ZNF83: variants seen among roughly 807,000 people sequenced by gnomAD.
ZNF83 encodes zinc finger protein 83, also known as zinc finger protein 816B.
For synonymous variants in ZNF83, 209 were observed against 213.0 expected (o/e 0.98, Z 0.17); for missense variants, 552 against 629.9 (o/e 0.88, Z 1.32).
chr19:52,678,173 C>T (rs937332509), intron 1 of ZNF83, among the ~76,000 whole-genome samples: 1 of 152,064 alleles, frequency 6.6e-6, no homozygotes, highest in African/African-American at 2.4e-5. Context: ...GAGGATAAGG[C>T]CAGGCTCGGT....
intron 3 of ZNF83, among the ~76,000 whole-genome samples, chr19:52,649,476 T>C (rs1267519145): frequency 6.6e-6 from 1 of 152,126 alleles, no homozygotes; most frequent in Non-Finnish European, 1.5e-5. Flanking sequence ...AACGTTCCCA[T>C]TGTAGACCAG....
intron 1 of ZNF83, among the ~76,000 whole-genome samples, chr19:52,669,161 T>G (rs1411974196): frequency 6.6e-6 from 1 of 152,208 alleles, no homozygotes; most frequent in Admixed American, 6.5e-5. Flanking sequence ...CACTTATGCT[T>G]TAGTCCAATT....
rs894199030 is a variant in ZNF83 at position 52,638,299 on chromosome 19, G to C, written c.-322+13C>G. ...CCTGGTAAGCGCAGACTTAATAGAA[G>C]AGCGAAACTCACCGCCACGGTGTAA... On this transcript the variant is annotated intron_variant, in intron 1 of 2. Coordinates refer to ENST00000301096, the Ensembl canonical transcript of ZNF83. The C allele has an allele frequency of 2.8e-5, 4 of 144,898 alleles. No individual in the cohort carries two copies. The highest frequency in any genetic ancestry group is 1.9e-4 in the East Asian group (1 of 5,130). The allele number at this position is 144,898 out of a possible 1,614,324, so 9.0% of individuals were successfully genotyped here.
chr19:52,613,423 G>GCT, exon 3 of ZNF83: 1 of 1,613,328 alleles, frequency 6.2e-7, no homozygotes, highest in Non-Finnish European at 8.5e-7. Context: ...TTGACTGAAT[G>GCT]CTTTGTCACA....
intron 1 of ZNF83, among the ~76,000 whole-genome samples, chr19:52,685,598 A>G (rs1409812644): frequency 1.3e-5 from 2 of 152,146 alleles, no homozygotes; most frequent in Non-Finnish European, 2.9e-5. Context: ...AACTGTTTCA[A>G]TCAAGAATAT....
chr19:52,652,475 T>G (rs1413409235), intron 3 of ZNF83: 1 of 431,080 alleles, frequency 2.3e-6, no homozygotes, highest in Non-Finnish European at 4.7e-6. Flanking sequence ...ATCACAGTTG[T>G]GAGGTTCTCT....
intron 1 of ZNF83, among the ~76,000 whole-genome samples, chr19:52,690,113 G>GC (rs1327117385): frequency 6.6e-6 from 1 of 151,992 alleles, no homozygotes; most frequent in Non-Finnish European, 1.5e-5. Context: ...GGTGCCCACG[G>GC]CGGGAATCCA....
chr19:52,621,892 G>C (rs1451414025), intron 2 of ZNF83, among the ~76,000 whole-genome samples: 2 of 152,048 alleles, frequency 1.3e-5, no homozygotes, highest in African/African-American at 2.4e-5. Context: ...TTATGTCCAG[G>C]CATTTTTTCA....
chr19:52,634,594 C>T (rs60700758), intron 2 of ZNF83, among the ~76,000 whole-genome samples: 16,600 of 152,214 alleles, frequency 0.11, 1,091 homozygotes, highest in South Asian at 0.23. Flanking sequence ...CAAAGTAACT[C>T]ACTAAATTAC....
chr19:52,642,262 T>C (rs970726703), upstream of ZNF83, among the ~76,000 whole-genome samples: 3 of 9,154 alleles, frequency 3.3e-4, no homozygotes, highest in Non-Finnish European at 1.8e-4. Context: ...GTATTGTAGC[T>C]TTTTTTTTTT....
At chr19:52,657,421 T>A (rs928082434) in intron 2 of ZNF83, among the ~76,000 whole-genome samples, 1 of 151,702 alleles carries the variant, frequency 6.6e-6, no homozygotes, top group Non-Finnish European at 1.5e-5. Context: ...ACCAGCCTCA[T>A]CAATATGGTG....
intron 2 of ZNF83, among the ~76,000 whole-genome samples, chr19:52,616,304 G>A (rs995289788): frequency 2.0e-5 from 3 of 152,194 alleles, no homozygotes; most frequent in Non-Finnish European, 2.9e-5. Context: ...AATGGGATTT[G>A]ATCTTGGGCT....
At chr19:52,623,135 C>T (rs1306849646) in intron 2 of ZNF83, among the ~76,000 whole-genome samples, 2 of 152,206 alleles carry the variant, frequency 1.3e-5, no homozygotes, top group African/African-American at 2.4e-5. Context: ...TCCAGCTCAC[C>T]CAGAAGCCAC....
chr19:52,624,734 G>A (rs1374968965), intron 2 of ZNF83, among the ~76,000 whole-genome samples: 8 of 152,062 alleles, frequency 5.3e-5, no homozygotes, highest in African/African-American at 1.7e-4. Context: ...CCTATTATAC[G>A]CTGGCCATGA....
intron 3 of ZNF83, among the ~76,000 whole-genome samples, chr19:52,643,673 C>G (rs1286617736): frequency 6.6e-6 from 1 of 151,768 alleles, no homozygotes; most frequent in Non-Finnish European, 1.5e-5. Context: ...TGCACTCCAG[C>G]CTGGGTGACA....
chr19:52,625,189 G>T (rs1332301343), intron 2 of ZNF83, among the ~76,000 whole-genome samples: 1 of 152,034 alleles, frequency 6.6e-6, no homozygotes, highest in African/African-American at 2.4e-5. Context: ...CACTCCCACA[G>T]CCTCTCAGCA....
At chr19:52,659,380 T>G (rs2061548303) in intron 2 of ZNF83, among the ~76,000 whole-genome samples, 1 of 152,082 alleles carries the variant, frequency 6.6e-6, no homozygotes. Flanking sequence ...TGAGTCAAGC[T>G]AAGGTTTCAT....
At chr19:52,661,065 A>G (rs12151255) in intron 1 of ZNF83, among the ~76,000 whole-genome samples, 35,449 of 151,760 alleles carry the variant, frequency 0.23, 4,568 homozygotes, top group Middle Eastern at 0.34. Context: ...GGGTTTCATC[A>G]TGTTGGCCAG....
At chr19:52,613,086 G>T (rs1450350441) in exon 3 of ZNF83, 1 of 1,613,554 alleles carries the variant, frequency 6.2e-7, no homozygotes, top group Non-Finnish European at 8.5e-7. Context: ...TGTCGCGGAA[G>T]AGTTTGCCAC....
Sources: allele counts gnomAD v4.1 joint callset (sites outside exome capture counted in the v4.1 genomes callset), GRCh38; gene constraint gnomAD v4.1.1; transcripts MANE v1.5; gene names NCBI Gene and HGNC (gene_info 2026-07-23, HGNC 2026-07-21).